ZPBP2: variants seen among roughly 807,000 people sequenced by gnomAD.
ZPBP2 encodes the protein zona pellucida-binding protein 2.
ZPBP2 carries 34 observed loss-of-function variants against 37.5 expected under a neutral mutation model. The observed-to-expected ratio is 0.91, with a 90% CI of 0.69 to 1.21. The LOEUF is 1.21. Ranked by LOEUF, ZPBP2 falls within the 50% of genes most tolerant of loss-of-function variation. The probability of loss-of-function intolerance (pLI) is 0.00; values close to 1 mark genes in which losing one functional copy is unlikely to be tolerated. For missense variants in ZPBP2, 397 were observed against 413.5 expected (o/e 0.96, Z 0.35); for synonymous variants, 143 against 138.4 (o/e 1.03, Z -0.23).
intron 6 of ZPBP2, among the ~76,000 whole-genome samples, chr17:39,873,810 C>T (rs2063376248): frequency 6.6e-6 from 1 of 152,046 alleles, no homozygotes; most frequent in African/African-American, 2.4e-5. Flanking sequence ...AGGCAAAGGA[C>T]ATAGTCTTAA....
At position 39,871,553 on chromosome 17, in the gene ZPBP2, T is replaced by C. The variant is rs1487913338; in HGVS notation, c.334T>C (p.Ser112Pro). The change falls in exon 4 of 8, where the codon TCT becomes CCT. Residue 112 changes from serine (S) to proline (P), a missense_variant. By Grantham distance (74) the Ser-to-Pro change is moderately conservative. Transcript: ENST00000348931. Reference sequence around the variant, plus strand: ...GTCTGGACTTTACACATGTACTCTTTCTTATAAGACTGTTAAAGCAGAAAC... The same window carrying C: ...GTCTGGACTTTACACATGTACTCTTCCTTATAAGACTGTTAAAGCAGAAAC... ...PLSGLYTCTL[S>P]YKTVKAETQE... 3 of 1,608,996 alleles carry C rather than the reference T, an allele frequency of 1.9e-6. No homozygotes were observed. In the South Asian group the frequency reaches 3.3e-5, roughly 18 times the overall value.
intron 2 of ZPBP2, among the ~76,000 whole-genome samples, chr17:39,869,451 C>G (rs1278119327): frequency 7.2e-6 from 1 of 139,748 alleles, no homozygotes; most frequent in Non-Finnish European, 1.5e-5. Context: ...GTCACCCAGG[C>G]TGGAGTGCAA....
intron 6 of ZPBP2, 74 bp downstream of exon 6, chr17:39,873,200 G>C: frequency 7.2e-7 from 1 of 1,379,580 alleles, no homozygotes; most frequent in Non-Finnish European, 1.0e-6. Flanking sequence ...CCAGGCTGGA[G>C]TGCAGTGGTG....
intron 2 of ZPBP2, among the ~76,000 whole-genome samples, chr17:39,869,733 G>C (rs1286371703): frequency 5.2e-5 from 3 of 57,732 alleles, no homozygotes; most frequent in African/African-American, 1.8e-4. Flanking sequence ...TTTTTTTAAA[G>C]ACAGCATCTC....
At chr17:39,875,891 T>C (rs904650208) in intron 7 of ZPBP2, among the ~76,000 whole-genome samples, 13 of 101,946 alleles carry the variant, frequency 1.3e-4, no homozygotes, top group Non-Finnish European at 2.8e-4. Context: ...CCCTTTTTTT[T>C]TTTTTTTTTT....
intron 6 of ZPBP2, among the ~76,000 whole-genome samples, chr17:39,874,774 C>T (rs576412010): frequency 6.8e-4 from 103 of 151,822 alleles, no homozygotes; most frequent in Middle Eastern, 3.4e-3. Flanking sequence ...TTTTCTGAGA[C>T]GGGGTCTCGC....
intron 2 of ZPBP2, among the ~76,000 whole-genome samples, chr17:39,869,403 TTC>T (rs2063351164): frequency 7.0e-6 from 1 of 143,048 alleles, no homozygotes; most frequent in Non-Finnish European, 1.5e-5. Flanking sequence ...CCTTCCTTCC[TTC>T]TTTTTTTTTT....
chr17:39,875,286 C>A lies in ZPBP2; in HGVS notation c.741C>A (p.Ser247Arg), dbSNP rs146016252. Residue 247 changes from serine to arginine, a missense_variant, in exon 7 of 8, where the codon AGC becomes AGA. Transcript: ENST00000348931. ...ATCGAATAGAAGACTTTTTTCGGAG[C>A]CAAGCATATATTTTCTACCATAACT... Reference protein sequence around the residue: ...ARDRIEDFFRSQAYIFYHNFN... With the variant: ...ARDRIEDFFRRQAYIFYHNFN... The A allele has an allele frequency of 2.5e-6, 4 of 1,610,944 alleles. No individual in the cohort carries two copies. The African/African-American group carries it at 5.4e-5, about 22-fold the overall frequency.
At chr17:39,875,467 G>A in intron 7 of ZPBP2, 33 bp downstream of exon 7, 1 of 1,466,906 alleles carries the variant, frequency 6.8e-7, no homozygotes, top group Non-Finnish European at 9.1e-7. Flanking sequence ...TAAACATTTA[G>A]GTTATAGAGT....
In ZPBP2 at chr17:39,868,347, C is replaced by G; in HGVS notation, c.-8C>G. 6.2e-7 allele frequency: 1 copy of G among 1,608,480 alleles called. No homozygotes were observed. The highest frequency in any genetic ancestry group is 8.5e-7 in the Non-Finnish European group (1 of 1,179,916). On this transcript the variant is annotated 5_prime_UTR_variant, in exon 1 of 8. Coordinates refer to ENST00000348931, the MANE Select transcript of ZPBP2 (RefSeq NM_199321.3). The stretch of plus-strand genomic sequence containing the variant: ...CTCGACGCCTCCTGCGACGCCAGCC[C>G]CTGAGCGATGATGCGAACGTGCGTC...
At chr17:39,876,377 G>A (rs1025942381) in intron 7 of ZPBP2, among the ~76,000 whole-genome samples, 2 of 152,100 alleles carry the variant, frequency 1.3e-5, no homozygotes, top group African/African-American at 4.8e-5. Flanking sequence ...CTAGGAAATA[G>A]GAACTAGAAA....
At position 39,870,770 on chromosome 17, in the gene ZPBP2, A is replaced by T; in HGVS notation, c.195A>T (p.Ile65=). ...ATTTTAAGCTTTCTAAAAAAGAAAT[A>T]GTGGACCCCACCTACTTATGGATTG... is the stretch of plus-strand genomic sequence containing the variant. ...CMDFKLSKKE[I]VDPTYLWIGP... Residue 65 remains isoleucine, a synonymous_variant, in exon 3 of 8, where the codon ATA becomes ATT. Coordinates refer to ENST00000348931, the MANE Select transcript of ZPBP2 (RefSeq NM_199321.3). 6.4e-7 allele frequency: 1 copy of T among 1,571,630 alleles called. No homozygotes were observed. The highest frequency in any genetic ancestry group is 8.7e-7 in the Non-Finnish European group (1 of 1,152,590).
At chr17:39,875,883 CTTTT>C (rs34192567) in intron 7 of ZPBP2, among the ~76,000 whole-genome samples, 2 of 63,770 alleles carry the variant, frequency 3.1e-5, no homozygotes, top group Non-Finnish European at 6.6e-5. Flanking sequence ...TGCTTGGCCC[CTTTT>C]TTTTTTTTTT....
At chr17:39,868,467 C>G (rs2063346173) in intron 1 of ZPBP2, 61 bp downstream of exon 1, 1 of 1,612,558 alleles carries the variant, frequency 6.2e-7, no homozygotes, top group East Asian at 2.2e-5. Flanking sequence ...CCGGTCCTGC[C>G]TCCTTCGCCT....
Position 39,871,480 on chromosome 17 carries a change from T to TAGGAG in ZPBP2, c.262_263insGGAGA (p.Ile88ArgfsTer3). The TAGGAG allele has an allele frequency of 6.3e-7, 1 of 1,590,654 alleles. No individual in the cohort carries two copies. The highest frequency in any genetic ancestry group is 1.2e-5 in the South Asian group (1 of 86,104). ...TCTGTTTAGGAAATAATAGAATAAATATAACTGAAACTGGACAGCTGATGG... is the reference window on the plus strand; with the variant it reads ...TCTGTTTAGGAAATAATAGAATAAATAGGAGATAACTGAAACTGGACAGCTGATGG... On this transcript the variant is annotated frameshift_variant, in exon 4 of 8. Coordinates refer to ENST00000348931, the MANE Select transcript of ZPBP2 (RefSeq NM_199321.3). LOFTEE classifies it high-confidence loss of function.
chr17:39,869,648 G>A (rs1215228024), intron 2 of ZPBP2, among the ~76,000 whole-genome samples: 14 of 148,730 alleles, frequency 9.4e-5, no homozygotes, highest in South Asian at 8.6e-4. Flanking sequence ...CAGGTGATCC[G>A]CACGTCTTAG....
chr17:39,868,392 G>A lies in ZPBP2; in HGVS notation c.38G>A (p.Trp13Ter). The change falls in exon 1 of 8, where the codon TGG becomes TAG. Residue 13 changes from tryptophan to a stop codon, truncating the protein, a stop_gained. Transcript: ENST00000348931. LOFTEE classifies it high-confidence loss of function. ...TGCGTCCTACTCTCCGCGGTGCTCT[G>A]GTGCCTCACAGGAGGTGGGGCTCCC... is the stretch of plus-strand genomic sequence containing the variant. The part of the protein sequence containing the change: ...RTCVLLSAVL[W>*]CLTGVQCPRF... 1 of 1,610,708 alleles carries A rather than the reference G, an allele frequency of 6.2e-7. No individual in the cohort carries two copies. Among genetic ancestry groups the A allele is most frequent in the Non-Finnish European group, 8.5e-7 (1 of 1,179,956 alleles).
In ZPBP2 at chr17:39,875,366, G is replaced by A. The variant is rs768205223; in HGVS notation, c.821G>A (p.Arg274His). The change falls in exon 7 of 8, where the codon CGT (arginine) becomes CAT (histidine). Residue 274 changes from arginine (R) to histidine (H), a missense_variant. By Grantham distance (29) the Arg-to-His change is conservative (BLOSUM62 0). Coordinates refer to ENST00000348931, the MANE Select transcript of ZPBP2 (RefSeq NM_199321.3). Reference protein sequence around the residue: ...HFVDHSLQVVRLDSCRPGFGK... With the variant: ...HFVDHSLQVVHLDSCRPGFGK... Reference sequence around the variant, plus strand: ...GTGGACCACAGTTTGCAAGTAGTACGTCTGGATAGCTGTCGACCAGGCTTT... The same window carrying A: ...GTGGACCACAGTTTGCAAGTAGTACATCTGGATAGCTGTCGACCAGGCTTT... 5.0e-6 allele frequency: 8 copies of A among 1,613,904 alleles called. No homozygotes were observed. The highest frequency in any genetic ancestry group is 2.7e-5 in the African/African-American group (2 of 74,902).
In ZPBP2 at chr17:39,872,394, T is replaced by C. The variant is rs1188771828; in HGVS notation, c.531T>C (p.Asp177=). 1.9e-6 allele frequency: 3 copies of C among 1,613,476 alleles called. No homozygotes were observed. Among genetic ancestry groups the C allele is most frequent in the Non-Finnish European group, 2.5e-6 (3 of 1,179,796 alleles). The change falls in exon 5 of 8, where the codon GAT becomes GAC. Residue 177 remains aspartate (D), a synonymous_variant. Coordinates refer to ENST00000348931, the MANE Select transcript of ZPBP2 (RefSeq NM_199321.3). ...LKKILDSLIS[D]LSCHVIEPSY... is the part of the protein sequence containing the mutation. The stretch of plus-strand genomic sequence containing the variant: ...AAATCTTGGATAGTCTAATTTCTGA[T>C]TTGTCATGCCATGTCATAGAGCCAT...
Sources: gnomAD v4.1 joint callset for allele counts (sites outside exome capture counted in the v4.1 genomes callset) on GRCh38, gnomAD v4.1.1 for gene constraint, MANE v1.5 for transcripts, NCBI Gene and HGNC (gene_info 2026-07-23, HGNC 2026-07-21) for gene names.